SYT9: variants seen among roughly 807,000 people sequenced by gnomAD.
SYT9 encodes synaptotagmin-9.
A neutral mutation model predicts 48.4 loss-of-function variants in SYT9; 22 were observed. The ratio of observed to expected loss-of-function variants is 0.45; its 90% confidence interval spans 0.32 to 0.65. The LOEUF (loss-of-function observed/expected upper bound fraction) is 0.65. SYT9 is among the 30% of genes least tolerant of loss of function. The pLI is 0.03. For missense variants in SYT9, 577 were observed against 622.0 expected (o/e 0.93, Z 0.77); for synonymous variants, 265 against 245.0 (o/e 1.08, Z -0.76).
chr11:7,345,167 T>C (rs1849778265), intron 3 of SYT9, among the ~76,000 whole-genome samples: 1 of 152,230 alleles, frequency 6.6e-6, no homozygotes, highest in Non-Finnish European at 1.5e-5. Flanking sequence ...TCTCTGGTAC[T>C]CTACCCTGCA....
At chr11:7,283,139 ATG>A (rs200893222) in intron 1 of SYT9, among the ~76,000 whole-genome samples, 1 of 141,396 alleles carries the variant, frequency 7.1e-6, no homozygotes, top group Non-Finnish European at 1.5e-5. Flanking sequence ...TTATATATGT[ATG>A]TGTGTGTATA....
intron 3 of SYT9, among the ~76,000 whole-genome samples, chr11:7,330,999 A>G (rs1849517458): frequency 6.6e-6 from 1 of 151,874 alleles, no homozygotes; most frequent in Non-Finnish European, 1.5e-5. Context: ...GGGTTTCATC[A>G]TGTTGGCCAG....
chr11:7,293,663 C>T (rs1848733542), intron 1 of SYT9, among the ~76,000 whole-genome samples: 1 of 152,106 alleles, frequency 6.6e-6, no homozygotes, highest in Non-Finnish European at 1.5e-5. Context: ...AGAGCTATGC[C>T]CAAACCTGTT....
chr11:7,443,951 A>G (rs989706838), intron 6 of SYT9, among the ~76,000 whole-genome samples: 1 of 152,368 alleles, frequency 6.6e-6, no homozygotes, highest in Middle Eastern at 3.4e-3. Flanking sequence ...CCAGTTTACT[A>G]TAGAAGTAAC....
intron 1 of SYT9, among the ~76,000 whole-genome samples, chr11:7,239,895 T>A (rs1217532829): frequency 6.6e-6 from 1 of 152,152 alleles, no homozygotes; most frequent in Non-Finnish European, 1.5e-5. Flanking sequence ...AGTTACACAT[T>A]TGAATAGTTG....
chr11:7,454,121 T>C, intron 6 of SYT9: 1 of 985,410 alleles, frequency 1.0e-6, no homozygotes, highest in Non-Finnish European at 1.2e-6. Context: ...TTTTCTTTCC[T>C]TTCCTTGCTA....
chr11:7,416,209 T>C (rs748252048), intron 4 of SYT9, 47 bp downstream of exon 4: 54 of 1,609,284 alleles, frequency 3.4e-5, no homozygotes, highest in Non-Finnish European at 4.6e-5. Context: ...TCTACTGTAG[T>C]AAGTACCTTA....
At chr11:7,414,076 T>C (rs1266983925) in intron 3 of SYT9, among the ~76,000 whole-genome samples, 1 of 152,192 alleles carries the variant, frequency 6.6e-6, no homozygotes, top group Non-Finnish European at 1.5e-5. Flanking sequence ...ATACCTAGCA[T>C]GGAAGTAATC....
At chr11:7,454,386 T>C in intron 6 of SYT9, 1 of 846,338 alleles carries the variant, frequency 1.2e-6, no homozygotes, top group African/African-American at 1.8e-5. Flanking sequence ...CTTCAGCTGC[T>C]TCTCCCAGCC....
rs79278446 is a variant in SYT9 at position 7,467,163 on chromosome 11, G to A, written c.*363G>A. 9.5e-3 allele frequency: 2,198 copies of A among 232,256 alleles called. 16 individuals are homozygous for A. The highest frequency in any genetic ancestry group is 0.019 in the Admixed American group (348 of 18,216). 14.4% of individuals were successfully genotyped at this position (232,256 alleles called of 1,614,324 possible). On this transcript the variant is annotated 3_prime_UTR_variant, in exon 7 of 7. Coordinates refer to ENST00000318881, the MANE Select transcript of SYT9 (RefSeq NM_175733.4). ...GGACATAGCATCTGCCCTGGAAATC[G>A]TTATTCCAACATAATATTATTTTCT...
At chr11:7,385,089 A>T (rs1850632161) in intron 3 of SYT9, among the ~76,000 whole-genome samples, 1 of 151,936 alleles carries the variant, frequency 6.6e-6, no homozygotes, top group African/African-American at 2.4e-5. Context: ...ATTGCATTAC[A>T]TATGTGTATT....
At chr11:7,439,306 C>T (rs914544593) in intron 6 of SYT9, 3 of 152,250 alleles carry the variant, frequency 2.0e-5, no homozygotes, top group African/African-American at 4.8e-5. Context: ...TTTAAACCTT[C>T]TGGGAAACTT....
Position 7,466,783 on chromosome 11 carries a change from T to G in SYT9, c.1468-9T>G. Reference sequence around the variant, plus strand: ...AGCCAAATTATTTTTTTGTTTTTTCTTCCTGCAGAAACGATGACCATGGGT... The same window carrying G: ...AGCCAAATTATTTTTTTGTTTTTTCGTCCTGCAGAAACGATGACCATGGGT... On this transcript the variant is annotated splice_polypyrimidine_tract_variant and intron_variant, in intron 6 of 6. Transcript: ENST00000318881. 6.2e-7 allele frequency: 1 copy of G among 1,612,076 alleles called. No homozygotes were observed. Among genetic ancestry groups the G allele is most frequent in the Non-Finnish European group, 8.5e-7 (1 of 1,179,432 alleles).
intron 6 of SYT9, among the ~76,000 whole-genome samples, chr11:7,458,673 G>T (rs1219629930): frequency 3.9e-5 from 6 of 152,050 alleles, no homozygotes; most frequent in Admixed American, 1.3e-4. Flanking sequence ...AGAAATACAC[G>T]CTAAGGGAAC....
At chr11:7,391,509 TGA>T (rs762745703) in intron 3 of SYT9, among the ~76,000 whole-genome samples, 47 of 152,206 alleles carry the variant, frequency 3.1e-4, no homozygotes, top group Non-Finnish European at 4.7e-4. Context: ...CTGATTAGTG[TGA>T]GAGAGTATCT....
intron 1 of SYT9, among the ~76,000 whole-genome samples, chr11:7,274,696 A>G (rs1009883562): frequency 2.0e-5 from 3 of 152,156 alleles, no homozygotes; most frequent in African/African-American, 7.2e-5. Flanking sequence ...ATCACTATGC[A>G]GGTCTTCCTT....
At chr11:7,264,446 G>A (rs1848138083) in intron 1 of SYT9, among the ~76,000 whole-genome samples, 1 of 152,070 alleles carries the variant, frequency 6.6e-6, no homozygotes, top group Non-Finnish European at 1.5e-5. Flanking sequence ...CAAGGAAAGA[G>A]TAGCAAAAGA....
intron 3 of SYT9, chr11:7,314,396 C>T (rs1180970017): frequency 1.5e-5 from 4 of 261,776 alleles, no homozygotes; most frequent in Non-Finnish European, 3.1e-5. Flanking sequence ...ATTGGATCCT[C>T]AGCTTCAACC....
At position 7,306,180 on chromosome 11, in the gene SYT9, T is replaced by A. The variant is rs994698535; in HGVS notation, c.497+2790T>A. Among the ~76,000 whole-genome samples the A allele has an allele frequency of 3.9e-5, 6 of 152,280 alleles. No individual in the cohort carries two copies. In the East Asian group the frequency reaches 5.8e-4, roughly 15 times the overall value. Reference sequence around the variant, plus strand: ...ATGTTTCAATTTTCTCAGAATTTTTTAATTCCAGAGCTTTATAAAGTTCTC... The same window carrying A: ...ATGTTTCAATTTTCTCAGAATTTTTAAATTCCAGAGCTTTATAAAGTTCTC... On this transcript the variant is annotated intron_variant, in intron 2 of 6. Transcript: ENST00000318881.
Sources: gnomAD v4.1 joint callset for allele counts (sites outside exome capture counted in the v4.1 genomes callset) on GRCh38, gnomAD v4.1.1 for gene constraint, MANE v1.5 for transcripts, NCBI Gene and HGNC (gene_info 2026-07-23, HGNC 2026-07-21) for gene names.